The following HS3ST4 variants were observed in gnomAD, a reference collection of about 807,000 sequenced individuals.
HS3ST4 encodes the protein heparan sulfate glucosamine 3-O-sulfotransferase 4.
HS3ST4 carries 17 observed loss-of-function variants against 29.2 expected under a neutral mutation model. That is an observed-to-expected ratio of 0.58 (90% CI 0.40 to 0.87). HS3ST4 has a LOEUF of 0.87. Among genes scored for constraint, HS3ST4 ranks in the 40% least tolerant of loss-of-function variants. HS3ST4 has a pLI of 0.00. For synonymous variants in HS3ST4, 314 were observed against 285.7 expected (o/e 1.10, Z -1.00); for missense variants, 627 against 634.5 (o/e 0.99, Z 0.13).
chr16:25,721,954 G>T (rs1249352347), intron 1 of HS3ST4, among the ~76,000 whole-genome samples: 1 of 152,144 alleles, frequency 6.6e-6, no homozygotes, highest in African/African-American at 2.4e-5. Context: ...TAGAAGATGT[G>T]GGGAGGCTTT....
At chr16:25,910,243 CA>C (rs1447430791) in intron 1 of HS3ST4, among the ~76,000 whole-genome samples, 1 of 152,144 alleles carries the variant, frequency 6.6e-6, no homozygotes, top group Admixed American at 6.5e-5. Flanking sequence ...CGTAAAGGGC[CA>C]AACAATAAAT....
chr16:25,828,340 T>TCTCTC (rs1967257357), intron 1 of HS3ST4, among the ~76,000 whole-genome samples: 14 of 64,064 alleles, frequency 2.2e-4, no homozygotes, highest in African/African-American at 4.2e-4. Flanking sequence ...CTCTCTCTCT[T>TCTCTC]TCTCCCTTTC....
At chr16:26,049,582 G>C (rs148575562) in intron 1 of HS3ST4, among the ~76,000 whole-genome samples, 5 of 151,966 alleles carry the variant, frequency 3.3e-5, no homozygotes, top group African/African-American at 1.2e-4. Context: ...GTGACCCCAC[G>C]TGTGGATTTT....
At chr16:25,993,882 G>T (rs961353452) in intron 1 of HS3ST4, among the ~76,000 whole-genome samples, 1 of 151,588 alleles carries the variant, frequency 6.6e-6, no homozygotes, top group South Asian at 2.1e-4. Flanking sequence ...GGCAGATTCA[G>T]TTCTTGGTGA....
chr16:25,788,548 T>TC (rs1379037361), intron 1 of HS3ST4, among the ~76,000 whole-genome samples: 1 of 139,844 alleles, frequency 7.2e-6, no homozygotes, highest in Non-Finnish European at 1.6e-5. Flanking sequence ...TTCTTTCTTT[T>TC]TTTTTTTTTT....
intron 1 of HS3ST4, among the ~76,000 whole-genome samples, chr16:25,832,028 C>T (rs937711825): frequency 2.6e-5 from 4 of 151,962 alleles, no homozygotes; most frequent in African/African-American, 9.7e-5. Context: ...ATCACTTGGA[C>T]CCAGGATTGT....
At chr16:25,804,256 C>A (rs532949300) in intron 1 of HS3ST4, among the ~76,000 whole-genome samples, 2 of 152,212 alleles carry the variant, frequency 1.3e-5, no homozygotes, top group East Asian at 3.9e-4. Flanking sequence ...CTATAGAAAC[C>A]ACGATAACAG....
At chr16:25,794,952 A>C (rs1302789892) in intron 1 of HS3ST4, among the ~76,000 whole-genome samples, 1 of 138,784 alleles carries the variant, frequency 7.2e-6, no homozygotes, top group Non-Finnish European at 1.6e-5. Flanking sequence ...TATATTCATA[A>C]TTTTCATCTT....
At chr16:26,130,227 A>G (rs1314416283) in intron 1 of HS3ST4, among the ~76,000 whole-genome samples, 1 of 152,208 alleles carries the variant, frequency 6.6e-6, no homozygotes, top group African/African-American at 2.4e-5. Context: ...AGCGCCCAAG[A>G]TACTGTTAAC....
At chr16:25,800,459 T>A (rs1012054661) in intron 1 of HS3ST4, among the ~76,000 whole-genome samples, 2 of 151,162 alleles carry the variant, frequency 1.3e-5, no homozygotes, top group African/African-American at 4.8e-5. Context: ...CTCTCTCTGA[T>A]GGAAATATAT....
chr16:26,058,728 AGATACTCTG>A (rs1263721007), intron 1 of HS3ST4, among the ~76,000 whole-genome samples: 9 of 152,180 alleles, frequency 5.9e-5, no homozygotes, highest in African/African-American at 1.9e-4. Flanking sequence ...ACAGGGAAGC[AGATACTCTG>A]GAATCTTGGC....
intron 1 of HS3ST4, among the ~76,000 whole-genome samples, chr16:26,107,118 C>T (rs373206964): frequency 1.9e-4 from 29 of 152,080 alleles, no homozygotes; most frequent in African/African-American, 6.8e-4. Context: ...CATCAACTCT[C>T]ATTACCTTCT....
intron 1 of HS3ST4, among the ~76,000 whole-genome samples, chr16:25,834,970 A>G (rs1967342925): frequency 2.0e-5 from 3 of 152,108 alleles, no homozygotes; most frequent in African/African-American, 4.8e-5. Context: ...AACACAAAAA[A>G]CAATAAACCA....
intron 1 of HS3ST4, among the ~76,000 whole-genome samples, chr16:25,785,642 A>T (rs543647940): frequency 6.6e-6 from 1 of 152,296 alleles, no homozygotes; most frequent in East Asian, 1.9e-4. Flanking sequence ...GCAGTTAGAT[A>T]ATGAGTAGAG....
chr16:26,059,685 A>G (rs1381663582), intron 1 of HS3ST4, among the ~76,000 whole-genome samples: 10 of 152,212 alleles, frequency 6.6e-5, no homozygotes, highest in Admixed American at 6.5e-4. Context: ...CCTCACTGGG[A>G]TTTGATAGGA....
chr16:26,047,522 C>A (rs1270633183), intron 1 of HS3ST4, among the ~76,000 whole-genome samples: 2 of 152,190 alleles, frequency 1.3e-5, no homozygotes, highest in Admixed American at 1.3e-4. Flanking sequence ...ATCCTTAAAA[C>A]AACCTTGAAG....
chr16:25,715,449 G>A (rs111336849), intron 1 of HS3ST4, among the ~76,000 whole-genome samples: 5,371 of 152,078 alleles, frequency 0.035, 147 homozygotes, highest in Non-Finnish European at 0.056. Flanking sequence ...CAATTACCAT[G>A]AGATGAAAGA....
rs1405359388 is a variant in HS3ST4 at position 25,864,981 on chromosome 16, CACATACACACTCACACACACAA to C, written c.734+171834_734+171855del. Reference sequence around the variant, plus strand: ...ACATATATACACACATACTCACACACACATACACACTCACACACACAAACACACATATGTGTATACACCACAT... The same window carrying C: ...ACATATATACACACATACTCACACACACACACATATGTGTATACACCACAT... On this transcript the variant is annotated intron_variant, in intron 1 of 1. Coordinates refer to ENST00000331351, the MANE Select transcript of HS3ST4 (RefSeq NM_006040.3). 2.2e-5 allele frequency among the ~76,000 whole-genome samples: 3 copies of C among 136,084 alleles called. No homozygotes were observed. The South Asian group carries it at 7.2e-4, about 33-fold the overall frequency. The allele number at this position is 136,084 out of a possible 152,430, so 89.3% of individuals were successfully genotyped here.
intron 1 of HS3ST4, chr16:26,032,892 C>T (rs533076124): frequency 3.3e-5 from 39 of 1,167,716 alleles, no homozygotes; most frequent in African/African-American, 4.6e-5. Flanking sequence ...GTCTGGGGGT[C>T]GTTCTCGCCT....
Sources: gnomAD v4.1 joint callset for allele counts (sites outside exome capture counted in the v4.1 genomes callset) on GRCh38, gnomAD v4.1.1 for gene constraint, MANE v1.5 for transcripts, NCBI Gene and HGNC (gene_info 2026-07-23, HGNC 2026-07-21) for gene names.